TTF1: variants seen among roughly 807,000 people sequenced by gnomAD.
TTF1 encodes transcription termination factor, RNA polymerase I.
TTF1 carries 64 observed loss-of-function variants against 80.2 expected under a neutral mutation model. The observed-to-expected ratio is 0.80, with a 90% confidence interval of 0.65 to 0.98. The LOEUF (loss-of-function observed/expected upper bound fraction) is 0.98. TTF1 is among the 50% of genes least tolerant of loss of function. The probability of loss-of-function intolerance (pLI) is 0.00; values close to 1 mark genes in which losing one functional copy is unlikely to be tolerated. For synonymous variants in TTF1, 372 were observed against 382.7 expected, an observed-to-expected ratio of 0.97 and a Z score of 0.33; for missense variants, 1,023 against 1,086.2, an observed-to-expected ratio of 0.94 and a Z score of 0.82.
rs149938550 is a variant in TTF1 at position 132,392,609 on chromosome 9, C to G, written c.1857-403G>C. Among the ~76,000 whole-genome samples the G allele has an allele frequency of 1.3e-3, 203 of 152,296 alleles. 2 individuals are homozygous for G. Among genetic ancestry groups the G allele is most frequent in the Non-Finnish European group, 2.3e-3 (159 of 68,038 alleles). On this transcript the variant is annotated intron_variant, in intron 5 of 10. Transcript: ENST00000334270. ...GTCCCCGTTGATTGCTCCTGGAGAA[C>G]ACCGTGCTTCTCTTCCATAGCACTG...
At chr9:132,385,147 G>A (rs1156398857) in intron 9 of TTF1, among the ~76,000 whole-genome samples, 1 of 152,080 alleles carries the variant, frequency 6.6e-6, no homozygotes, top group Non-Finnish European at 1.5e-5. Flanking sequence ...TAAAGCACGG[G>A]GTCTCGGCAG....
At chr9:132,383,250 CA>C (rs35384741) in intron 9 of TTF1, among the ~76,000 whole-genome samples, 58,168 of 124,874 alleles carry the variant, frequency 0.47, 13,229 homozygotes, top group East Asian at 0.81. Context: ...CTCTTGTCTT[CA>C]AAAAAAAAAA....
Position 132,384,158 on chromosome 9 carries a change from G to A in TTF1, c.2378+2398C>T, listed in dbSNP as rs1849419074. On this transcript the variant is annotated intron_variant, in intron 9 of 10. Coordinates refer to ENST00000334270, the MANE Select transcript of TTF1 (RefSeq NM_007344.4). This position sits in a 1 kb window ranked among gnomAD's most constrained non-coding sequence, Gnocchi z 4.1. Reference sequence around the variant, plus strand: ...ATTTTGACAGTTGCTGAACTGGGGTGATGGGTACATGAAGCTTCATTTATT... The same window carrying A: ...ATTTTGACAGTTGCTGAACTGGGGTAATGGGTACATGAAGCTTCATTTATT... Among the ~76,000 whole-genome samples, 1 of 152,164 alleles carries A rather than the reference G, an allele frequency of 6.6e-6. No individual in the cohort carries two copies. The highest frequency in any genetic ancestry group is 2.4e-5 in the African/African-American group (1 of 41,428).
In TTF1 at chr9:132,398,187, A is replaced by G. The variant is rs762945428; in HGVS notation, c.1731T>C (p.Ser577=). The G allele has an allele frequency of 1.3e-6, 2 of 1,590,050 alleles. No homozygotes were observed. The highest frequency in any genetic ancestry group is 1.4e-5 in the African/African-American group (1 of 73,300). ...ATCTCCTTTTTAAGTTGGTGATCAC[A>G]GATTTTTCCTCAGGATATCTGTCCG... ...LYTDRYPEEK[S]VITNLKRRYS... The change falls in exon 4 of 11, where the codon TCT becomes TCC. Residue 577 remains serine (S), a synonymous_variant. Coordinates refer to ENST00000334270, the MANE Select transcript of TTF1 (RefSeq NM_007344.4).
rs979487911 is a variant in TTF1, at chr9:132,401,579, CAG to C, written c.1241_1242del (p.Ser414Ter). 21 of 1,613,996 alleles carry C rather than the reference CAG, an allele frequency of 1.3e-5. No individual in the cohort carries two copies. In the Admixed American group the frequency reaches 3.2e-4, roughly 24 times the overall value. On this transcript the variant is annotated frameshift_variant, in exon 2 of 11. Coordinates refer to ENST00000334270, the MANE Select transcript of TTF1 (RefSeq NM_007344.4). LOFTEE classifies it high-confidence loss of function. Reference sequence around the variant, plus strand: ...TCTACTGAATCAAAGAGTGTGCTCTCAGAGTTCTTACTGGGCACTGAAAAATC... The same window carrying C: ...TCTACTGAATCAAAGAGTGTGCTCTCAGTTCTTACTGGGCACTGAAAAATC... ...GDDFSVPSKN[S>X]ESTLFDSVEG...
At chr9:132,401,412 C>A (rs746888405) in intron 2 of TTF1, 43 bp downstream of exon 2, 1 of 1,548,374 alleles carries the variant, frequency 6.5e-7, no homozygotes, top group Non-Finnish European at 8.7e-7. Context: ...AGAATCCATA[C>A]GAAAGAAATA....
chr9:132,390,645 A>C lies in TTF1; in HGVS notation c.2174T>G (p.Val725Gly). ...KLYKGISWVE[V>G]EAKVQTRNWM... ...ATTTCTGGTTTGCACTTTAGCTTCT[A>C]CTTCTACCCAAGATATGCCCTTGTA... Residue 725 changes from valine (V) to glycine (G), a missense_variant, in exon 7 of 11, where the codon GTA (valine) becomes GGA (glycine). Physicochemically the swap from Val to Gly is moderately radical, Grantham distance 109. Transcript: ENST00000334270. 1.9e-6 allele frequency: 3 copies of C among 1,614,234 alleles called. No individual in the cohort carries two copies. The highest frequency in any genetic ancestry group is 2.5e-6 in the Non-Finnish European group (3 of 1,180,042).
At position 132,392,074 on chromosome 9, in the gene TTF1, AC is replaced by A; in HGVS notation, c.1987+1del. 1.2e-6 allele frequency: 2 copies of A among 1,613,822 alleles called. No homozygotes were observed. The highest frequency in any genetic ancestry group is 1.7e-6 in the Non-Finnish European group (2 of 1,179,982). ...AGGTGGGCACTGGGGGCTGCCACTTACGACTGCTGATCTGTGAGAACTTGAG... is the reference window on the plus strand; with the variant it reads ...AGGTGGGCACTGGGGGCTGCCACTTAGACTGCTGATCTGTGAGAACTTGAG... On this transcript the variant is annotated splice_donor_variant, in intron 6 of 10. Transcript: ENST00000334270. LOFTEE classifies it high-confidence loss of function.
intron 2 of TTF1, 94 bp from the exon 3 acceptor site, chr9:132,400,352 G>T (rs914352494): frequency 4.8e-6 from 5 of 1,032,020 alleles, no homozygotes; most frequent in South Asian, 2.9e-5. Flanking sequence ...TGAGACAGAG[G>T]CTTGCTCTGT....
chr9:132,386,749 C>G (rs1157797434), intron 8 of TTF1, 128 bp from the exon 9 acceptor site: 1 of 708,472 alleles, frequency 1.4e-6, no homozygotes, highest in African/African-American at 1.8e-5. Context: ...CCTCGTTACA[C>G]ATGCACAGTG....
chr9:132,388,213 G>A lies in TTF1; in HGVS notation c.2238C>T (p.Thr746=), dbSNP rs761760953. Residue 746 remains threonine (T), a synonymous_variant, in exon 8 of 11, where the codon ACC becomes ACT. Coordinates refer to ENST00000334270, the MANE Select transcript of TTF1 (RefSeq NM_007344.4). ...TACGCCGACCATTAGTCATCCTCTT[G>A]GTTAGAATTTCTGTCCTACATTAAA... ...QCKSKWTEIL[T]KRMTNGRRIY... is the part of the protein sequence containing the mutation. 6.2e-7 allele frequency: 1 copy of A among 1,608,580 alleles called. No individual in the cohort carries two copies. The highest frequency in any genetic ancestry group is 1.7e-5 in the Admixed American group (1 of 59,898).
At chr9:132,381,069 G>A (rs978811319) in intron 9 of TTF1, among the ~76,000 whole-genome samples, 1 of 152,008 alleles carries the variant, frequency 6.6e-6, no homozygotes, top group African/African-American at 2.4e-5. Context: ...GTGTCACCAC[G>A]TGCAGCTTAA....
In TTF1 at chr9:132,377,264, C is replaced by T. The variant is rs190479709; in HGVS notation, c.2465-1096G>A. On this transcript the variant is annotated intron_variant, in intron 10 of 10. Coordinates refer to ENST00000334270, the MANE Select transcript of TTF1 (RefSeq NM_007344.4). ...TGCATGTGGTGTGTGTGAGTGCATG[C>T]GTGTGGTGTGAGTGCATGTGGTGCA... is the stretch of plus-strand genomic sequence containing the variant. Among the ~76,000 whole-genome samples the T allele has an allele frequency of 4.6e-4, 47 of 101,702 alleles. No individual in the cohort carries two copies. In the East Asian group the frequency reaches 9.3e-3, roughly 20 times the overall value. 66.7% of individuals were successfully genotyped at this position (101,702 alleles called of 152,430 possible).
chr9:132,386,740 C>T (rs1849475150), intron 8 of TTF1, 119 bp from the exon 9 acceptor site: 1 of 761,552 alleles, frequency 1.3e-6, no homozygotes, highest in Non-Finnish European at 2.2e-6. Flanking sequence ...TTCCAGCTCC[C>T]TCGTTACACA....
chr9:132,401,248 C>T (rs912180014), intron 2 of TTF1, among the ~76,000 whole-genome samples: 4 of 152,158 alleles, frequency 2.6e-5, no homozygotes, highest in African/African-American at 7.2e-5. Flanking sequence ...ATCGCTTGAA[C>T]CCGGGAAGTG....
Position 132,381,371 on chromosome 9 carries a change from G to A in TTF1, c.2379-2227C>T, listed in dbSNP as rs886429970. 3.3e-5 allele frequency among the ~76,000 whole-genome samples: 5 copies of A among 152,176 alleles called. No homozygotes were observed. In the East Asian group the frequency reaches 9.7e-4, roughly 29 times the overall value. On this transcript the variant is annotated intron_variant, in intron 9 of 10. Transcript: ENST00000334270. Reference sequence around the variant, plus strand: ...ACGCCCAGCTAATTTTTGTATTTTAGTAGAGATGGGGTTTCACCATGTTGG... The same window carrying A: ...ACGCCCAGCTAATTTTTGTATTTTAATAGAGATGGGGTTTCACCATGTTGG...
At chr9:132,406,468 G>T (rs973385366) in intron 1 of TTF1, among the ~76,000 whole-genome samples, 3 of 152,234 alleles carry the variant, frequency 2.0e-5, no homozygotes, top group African/African-American at 2.4e-5. Context: ...TAGGCTTGGT[G>T]GCGGGCGCCT....
chr9:132,392,225 G>A lies in TTF1; in HGVS notation c.1857-19C>T. Reference sequence around the variant, plus strand: ...GCTATACCTAGGAGAAAGGGAAAATGTTTTACAAGTTTAAACGAACTATCA... The same window carrying A: ...GCTATACCTAGGAGAAAGGGAAAATATTTTACAAGTTTAAACGAACTATCA... On this transcript the variant is annotated intron_variant, in intron 5 of 10. Coordinates refer to ENST00000334270, the MANE Select transcript of TTF1 (RefSeq NM_007344.4). 6.2e-7 allele frequency: 1 copy of A among 1,613,692 alleles called. No individual in the cohort carries two copies. Among genetic ancestry groups the A allele is most frequent in the Non-Finnish European group, 8.5e-7 (1 of 1,179,766 alleles).
At chr9:132,395,699 A>C (rs918941184) in intron 5 of TTF1, among the ~76,000 whole-genome samples, 1 of 152,228 alleles carries the variant, frequency 6.6e-6, no homozygotes, top group African/African-American at 2.4e-5. Context: ...TCAGTTTACA[A>C]TCACAGAGCT....
Sources: gnomAD v4.1 joint callset for allele counts (sites outside exome capture counted in the v4.1 genomes callset) on GRCh38, gnomAD v4.1.1 for gene constraint, Gnocchi (gnomAD v3.1) non-coding constraint, MANE v1.5 for transcripts, NCBI Gene and HGNC (gene_info 2026-07-23, HGNC 2026-07-21) for gene names.